The following LANCL3 variants were observed in gnomAD, a reference collection of about 807,000 sequenced individuals.
The protein encoded by LANCL3 is lanC-like protein 3.
Under a neutral mutation model 26.5 loss-of-function variants are expected in LANCL3, and 19 were observed. The observed-to-expected ratio is 0.72, with a 90% CI of 0.50 to 1.05. The LOEUF (loss-of-function observed/expected upper bound fraction) is 1.05, where lower values mean the gene tolerates loss of function less well. Among genes scored for constraint, LANCL3 ranks in the 50% least tolerant of loss-of-function variants. The probability of loss-of-function intolerance (pLI) is 0.00; values close to 1 mark genes in which losing one functional copy is unlikely to be tolerated. For synonymous variants in LANCL3, 160 were observed against 166.6 expected (o/e 0.96, Z 0.30); for missense variants, 318 against 362.7 (o/e 0.88, Z 1.00).
chrX:37,598,904 A>C (rs1556419750), intron 1 of LANCL3, among the ~76,000 whole-genome samples: 1 of 112,642 alleles, frequency 8.9e-6, no homozygotes, highest in Non-Finnish European at 1.9e-5. Flanking sequence ...GCACATGCAC[A>C]GACCACGAGA....
chrX:37,576,681 T>A, intron 1 of LANCL3, among the ~76,000 whole-genome samples: 1 of 111,192 alleles, frequency 9.0e-6, no homozygotes, highest in Admixed American at 9.6e-5. Context: ...TAAAAGTCTG[T>A]TGGTGAAGAA....
chrX:37,574,732 T>C (rs1923698952), intron 1 of LANCL3, among the ~76,000 whole-genome samples: 1 of 110,772 alleles, frequency 9.0e-6, no homozygotes, highest in South Asian at 3.8e-4. Context: ...TCTAGCCTCC[T>C]ACACTCCTAC....
In LANCL3 at chrX:37,659,605, G is replaced by A. The variant is rs139962306; in HGVS notation, c.841G>A (p.Gly281Ser). The change falls in exon 3 of 5, where the codon GGC becomes AGC. Residue 281 changes from glycine (G) to serine (S), a missense_variant. Physicochemically the swap from Gly to Ser is moderately conservative, Grantham distance 56. Transcript: ENST00000378619. ...AAACTGCAACTGGCCACCTGAGCTC[G>A]GCGAGACCATCGAGAGAGAGAATGA... ...EQNCNWPPEL[G>S]ETIERENELV... 113 of 1,208,116 alleles carry A rather than the reference G, an allele frequency of 9.4e-5. No individual in the cohort carries two copies. In the African/African-American group the frequency reaches 1.7e-3, roughly 18 times the overall value.
rs782106201 is a variant in LANCL3, at chrX:37,572,335, C to T, written c.465C>T (p.Ala155=). Residue 155 remains alanine, a synonymous_variant, in exon 1 of 5, where the codon GCC becomes GCT. Coordinates refer to ENST00000378619, the MANE Select transcript of LANCL3 (RefSeq NM_001170331.2). ...QPLGKFRALC[A]VCAPVSFLEC... Reference sequence around the variant, plus strand: ...TGGGCAAGTTCCGGGCTCTGTGTGCCGTCTGCGCGCCGGTCTCCTTCCTGG... The same window carrying T: ...TGGGCAAGTTCCGGGCTCTGTGTGCTGTCTGCGCGCCGGTCTCCTTCCTGG... 51 of 1,163,040 alleles carry T rather than the reference C, an allele frequency of 4.4e-5. No individual in the cohort carries two copies. In the African/African-American group the frequency reaches 8.4e-4, roughly 19 times the overall value.
chrX:37,588,138 G>C (rs1216327314), intron 1 of LANCL3, among the ~76,000 whole-genome samples: 1 of 112,125 alleles, frequency 8.9e-6, no homozygotes, highest in Non-Finnish European at 1.9e-5. Context: ...GAAAATGATA[G>C]ATTATATTAA....
chrX:37,632,408 A>G (rs1376126843), intron 1 of LANCL3, among the ~76,000 whole-genome samples: 1 of 111,212 alleles, frequency 9.0e-6, no homozygotes, highest in South Asian at 3.8e-4. Flanking sequence ...TCTTTATCCA[A>G]TTTGCCAGTC....
At chrX:37,654,001 G>T (rs1488153989) in intron 1 of LANCL3, among the ~76,000 whole-genome samples, 3 of 111,427 alleles carry the variant, frequency 2.7e-5, no homozygotes, top group Admixed American at 9.5e-5. Flanking sequence ...CTATCTCTAG[G>T]CTCATGAGCT....
chrX:37,624,906 G>A (rs782062729), intron 1 of LANCL3, among the ~76,000 whole-genome samples: 4 of 111,988 alleles, frequency 3.6e-5, no homozygotes, highest in Non-Finnish European at 7.5e-5. Context: ...GATGCTCAGA[G>A]CCTTGAGTAA....
intron 1 of LANCL3, among the ~76,000 whole-genome samples, chrX:37,596,570 C>A (rs1569462943): frequency 8.9e-6 from 1 of 112,173 alleles, no homozygotes; most frequent in Non-Finnish European, 1.9e-5. Flanking sequence ...AAGCTGTGTT[C>A]TCTGGCAGTT....
At chrX:37,589,793 C>T (rs781849125) in intron 1 of LANCL3, among the ~76,000 whole-genome samples, 1 of 111,408 alleles carries the variant, frequency 9.0e-6, no homozygotes, top group East Asian at 2.8e-4. Flanking sequence ...TGGTGGCATT[C>T]AGAGCTGCTA....
At chrX:37,647,826 G>A (rs1054113524) in intron 1 of LANCL3, among the ~76,000 whole-genome samples, 24 of 112,735 alleles carry the variant, frequency 2.1e-4, no homozygotes, top group African/African-American at 7.4e-4. Flanking sequence ...CGCATACTCC[G>A]TATATTGTAA....
At chrX:37,675,071 C>CA (rs1282765155) in intron 4 of LANCL3, among the ~76,000 whole-genome samples, 1 of 112,130 alleles carries the variant, frequency 8.9e-6, no homozygotes, top group Non-Finnish European at 1.9e-5. Flanking sequence ...GCGAATGTCT[C>CA]AAAAATAATC....
chrX:37,666,727 A>C (rs1036145736), intron 3 of LANCL3, among the ~76,000 whole-genome samples: 59 of 112,181 alleles, frequency 5.3e-4, no homozygotes, highest in Non-Finnish European at 9.0e-4. Context: ...CTCACTTCAC[A>C]GCTAAAGTAG....
intron 1 of LANCL3, among the ~76,000 whole-genome samples, chrX:37,578,596 T>G (rs1488253530): frequency 1.8e-5 from 2 of 112,256 alleles, no homozygotes; most frequent in Non-Finnish European, 3.8e-5. Context: ...GGGAATATAT[T>G]TTATGGCAGC....
At chrX:37,661,199 G>A (rs1926414327) in intron 3 of LANCL3, among the ~76,000 whole-genome samples, 3 of 111,720 alleles carry the variant, frequency 2.7e-5, no homozygotes, top group Non-Finnish European at 5.7e-5. Context: ...GATTCAATGT[G>A]CTAGTAATAG....
At chrX:37,659,162 C>T (rs918545988) in intron 2 of LANCL3, among the ~76,000 whole-genome samples, 1 of 112,481 alleles carries the variant, frequency 8.9e-6, no homozygotes, top group Non-Finnish European at 1.9e-5. Context: ...GCCGTATGGC[C>T]TCTGTCACAA....
chrX:37,578,681 AT>A (rs1425723541), intron 1 of LANCL3, among the ~76,000 whole-genome samples: 1 of 112,151 alleles, frequency 8.9e-6, no homozygotes, highest in Non-Finnish European at 1.9e-5. Context: ...GTCTTTATTT[AT>A]TAAAAATTTG....
chrX:37,653,919 GAAA>G (rs377141077), intron 1 of LANCL3, among the ~76,000 whole-genome samples: 1 of 98,374 alleles, frequency 1.0e-5, no homozygotes, highest in African/African-American at 3.7e-5. Context: ...TCAGCAAATA[GAAA>G]AAAAAAAAAG....
At chrX:37,673,760 A>G (rs782194039) in intron 4 of LANCL3, among the ~76,000 whole-genome samples, 6 of 111,461 alleles carry the variant, frequency 5.4e-5, no homozygotes, top group Non-Finnish European at 1.1e-4. Flanking sequence ...TGAAAAAAAT[A>G]CAGGATACCA....
Sources: allele counts gnomAD v4.1 joint callset (sites outside exome capture counted in the v4.1 genomes callset), GRCh38; gene constraint gnomAD v4.1.1; transcripts MANE v1.5; gene names NCBI Gene and HGNC (gene_info 2026-07-23, HGNC 2026-07-21).